Variants in FHIT observed in about 807,000 individuals in gnomAD.
The protein encoded by FHIT is fragile histidine triad diadenosine triphosphatase, also known as bis(5'-adenosyl)-triphosphatase.
A neutral mutation model predicts 17.9 loss-of-function variants in FHIT; 19 were observed. The observed-to-expected ratio is 1.06, with a 90% CI of 0.74 to 1.56. The LOEUF (loss-of-function observed/expected upper bound fraction) is 1.56. Among genes scored for constraint, FHIT ranks in the 40% most tolerant of loss-of-function variants. The pLI is 0.00. For synonymous variants in FHIT, 81 were observed against 69.7 expected, an observed-to-expected ratio of 1.16 and a Z score of -0.81; for missense variants, 248 against 189.2, an observed-to-expected ratio of 1.31 and a Z score of -1.82.
rs892737562 is a variant in FHIT, at chr3:60,130,891, A to C, written c.104-116739T>G. On this transcript the variant is annotated intron_variant, in intron 5 of 9. Transcript: ENST00000492590. The stretch of plus-strand genomic sequence containing the variant: ...TAGACACGTATACATGTATATACAC[A>C]CATACACATATATACACATATATGT... Among the ~76,000 whole-genome samples the C allele has an allele frequency of 3.0e-5, 3 of 100,782 alleles. No homozygotes were observed. In the East Asian group the frequency reaches 7.4e-4, roughly 25 times the overall value. The allele number at this position is 100,782 out of a possible 152,430, so 66.1% of individuals were successfully genotyped here. A position where few individuals can be genotyped will look rare whatever the true frequency, so the allele number is the denominator to read the frequency against.
intron 3 of FHIT, among the ~76,000 whole-genome samples, chr3:60,982,156 C>T (rs1710524203): frequency 6.6e-6 from 1 of 152,340 alleles, no homozygotes; most frequent in Non-Finnish European, 1.5e-5. Flanking sequence ...TAAAACCCTT[C>T]AGTGCTTTCC....
chr3:59,988,163 C>T (rs995264874), intron 7 of FHIT, among the ~76,000 whole-genome samples: 2 of 152,048 alleles, frequency 1.3e-5, no homozygotes, highest in African/African-American at 4.8e-5. Flanking sequence ...CTCAGGCAGC[C>T]TCCAAAATTG....
At chr3:60,426,326 A>T (rs2687158) in intron 5 of FHIT, among the ~76,000 whole-genome samples, 2 of 152,114 alleles carry the variant, frequency 1.3e-5, no homozygotes, top group Non-Finnish European at 2.9e-5. Flanking sequence ...AAAGATCTCC[A>T]TTGCTCTAAA....
At chr3:60,268,269 A>G (rs1048058241) in intron 5 of FHIT, among the ~76,000 whole-genome samples, 1 of 152,224 alleles carries the variant, frequency 6.6e-6, no homozygotes, top group Admixed American at 6.5e-5. Context: ...GACGTTAAGT[A>G]TGATGTACTG....
chr3:60,740,591 G>A (rs2042221624), intron 4 of FHIT, among the ~76,000 whole-genome samples: 1 of 152,142 alleles, frequency 6.6e-6, no homozygotes, highest in Admixed American at 6.5e-5. Context: ...TAAGTCTACA[G>A]TTCAGTGGCA....
intron 8 of FHIT, among the ~76,000 whole-genome samples, chr3:59,862,112 C>T (rs1027950031): frequency 2.0e-5 from 3 of 152,050 alleles, no homozygotes; most frequent in African/African-American, 4.8e-5. Context: ...TGAAGAAATA[C>T]CCATAGCTGG....
intron 7 of FHIT, among the ~76,000 whole-genome samples, chr3:60,007,770 A>T (rs1056947651): frequency 6.6e-6 from 1 of 152,172 alleles, no homozygotes; most frequent in African/African-American, 2.4e-5. Context: ...TAAATTGGGG[A>T]AAACTTAGCA....
chr3:60,100,649 T>C (rs1704153948), intron 5 of FHIT, among the ~76,000 whole-genome samples: 1 of 152,116 alleles, frequency 6.6e-6, no homozygotes, highest in Admixed American at 6.5e-5. Flanking sequence ...ATCACTGGGA[T>C]TGCTCTGTCA....
chr3:60,695,732 G>A (rs997767287), intron 4 of FHIT, among the ~76,000 whole-genome samples: 29 of 152,132 alleles, frequency 1.9e-4, no homozygotes, highest in African/African-American at 7.0e-4. Flanking sequence ...AGGGACGCTG[G>A]GACAAGATTG....
intron 4 of FHIT, among the ~76,000 whole-genome samples, chr3:60,722,952 C>A (rs1244150293): frequency 6.6e-6 from 1 of 152,016 alleles, no homozygotes; most frequent in African/African-American, 2.4e-5. Context: ...AACTCCTGAC[C>A]TCAAGTGATT....
intron 7 of FHIT, among the ~76,000 whole-genome samples, chr3:59,934,777 C>T (rs1242192456): frequency 6.6e-6 from 1 of 152,044 alleles, no homozygotes; most frequent in Non-Finnish European, 1.5e-5. Flanking sequence ...CCTTATAAAA[C>T]TATCAGATCT....
chr3:60,063,051 A>C (rs1039701996), intron 5 of FHIT, among the ~76,000 whole-genome samples: 20 of 152,296 alleles, frequency 1.3e-4, no homozygotes, highest in Admixed American at 1.3e-3. Flanking sequence ...GCCTGGGGAG[A>C]AGACTGTTAC....
At chr3:60,281,218 T>C (rs547910676) in intron 5 of FHIT, among the ~76,000 whole-genome samples, 1 of 152,238 alleles carries the variant, frequency 6.6e-6, no homozygotes, top group African/African-American at 2.4e-5. Context: ...CGAATAGATA[T>C]TCTGTGTTCA....
intron 5 of FHIT, among the ~76,000 whole-genome samples, chr3:60,493,428 A>ATTT (rs2034151429): frequency 1.3e-5 from 2 of 152,218 alleles, no homozygotes; most frequent in African/African-American, 4.8e-5. Context: ...ATATGCTTAC[A>ATTT]CTGTGAGGTT....
chr3:59,902,640 C>A (rs974974257), intron 8 of FHIT, among the ~76,000 whole-genome samples: 1 of 151,948 alleles, frequency 6.6e-6, no homozygotes, highest in Non-Finnish European at 1.5e-5. Flanking sequence ...TCCTGCCATT[C>A]GCAAAAACAT....
intron 5 of FHIT, among the ~76,000 whole-genome samples, chr3:60,402,698 A>G (rs1483412439): frequency 1.3e-5 from 2 of 152,222 alleles, no homozygotes; most frequent in African/African-American, 2.4e-5. Flanking sequence ...GTAATAAAGT[A>G]GCACTAGCAC....
At chr3:59,844,187 C>T (rs1005576191) in intron 8 of FHIT, among the ~76,000 whole-genome samples, 1 of 152,144 alleles carries the variant, frequency 6.6e-6, no homozygotes, top group Non-Finnish European at 1.5e-5. Flanking sequence ...TTATAAATTA[C>T]TCTGTCTCAG....
intron 4 of FHIT, among the ~76,000 whole-genome samples, chr3:60,634,332 A>C (rs962527805): frequency 2.6e-5 from 4 of 152,204 alleles, no homozygotes; most frequent in Non-Finnish European, 5.9e-5. Context: ...CTGAACTAGG[A>C]GACGAAGAAA....
At chr3:59,996,050 A>G (rs941584094) in intron 7 of FHIT, among the ~76,000 whole-genome samples, 3 of 152,108 alleles carry the variant, frequency 2.0e-5, no homozygotes, top group African/African-American at 7.2e-5. Context: ...TTTTCATCAC[A>G]GAAATTGAAG....
Sources: gnomAD v4.1 joint callset for allele counts (sites outside exome capture counted in the v4.1 genomes callset) on GRCh38, gnomAD v4.1.1 for gene constraint, MANE v1.5 for transcripts, NCBI Gene and HGNC (gene_info 2026-07-23, HGNC 2026-07-21) for gene names.